PPIG: variants seen among roughly 807,000 people sequenced by gnomAD.
PPIG encodes peptidylprolyl isomerase G.
Under a neutral mutation model 87.9 loss-of-function variants are expected in PPIG, and 26 were observed. That is an observed-to-expected ratio of 0.30 (90% CI 0.22 to 0.41). The LOEUF is 0.41. PPIG is among the 10% of genes least tolerant of loss of function. The probability of loss-of-function intolerance (pLI) is 1.00; values close to 1 mark genes in which losing one functional copy is unlikely to be tolerated. For missense variants in PPIG, 722 were observed against 879.4 expected (o/e 0.82, Z 2.26); for synonymous variants, 308 against 276.5 (o/e 1.11, Z -1.13).
chr2:169,593,939 G>A (rs1684942914), intron 1 of PPIG, among the ~76,000 whole-genome samples: 1 of 151,744 alleles, frequency 6.6e-6, no homozygotes, highest in African/African-American at 2.4e-5. Context: ...ACAGGTGTGA[G>A]CCACCACGCC....
chr2:169,630,745 T>C (rs1358646592), intron 9 of PPIG, 29 bp from the exon 10 acceptor site: 2 of 1,554,114 alleles, frequency 1.3e-6, no homozygotes, highest in East Asian at 2.2e-5. Context: ...TAAAAATTGT[T>C]GATCAAAACC....
At chr2:169,608,480 A>G (rs2105492611) in intron 6 of PPIG, among the ~76,000 whole-genome samples, 191 bp from the exon 7 acceptor site, 1 of 151,778 alleles carries the variant, frequency 6.6e-6, no homozygotes, top group East Asian at 1.9e-4. Flanking sequence ...ACAGAGCGAG[A>G]CTCCATCTCA....
At chr2:169,590,499 G>A (rs890428579) in intron 1 of PPIG, among the ~76,000 whole-genome samples, 81 of 152,162 alleles carry the variant, frequency 5.3e-4, no homozygotes, top group Admixed American at 1.6e-3. Flanking sequence ...AAAATTAGCC[G>A]GGCGTGGTGG....
At chr2:169,624,720 T>A (rs1685838390) in intron 9 of PPIG, among the ~76,000 whole-genome samples, 1 of 152,136 alleles carries the variant, frequency 6.6e-6, no homozygotes, top group Admixed American at 6.5e-5. Context: ...CCTGAGTAGC[T>A]AGGACTACAG....
intron 1 of PPIG, among the ~76,000 whole-genome samples, chr2:169,598,101 A>G (rs1382031917): frequency 6.6e-6 from 1 of 151,390 alleles, no homozygotes; most frequent in Non-Finnish European, 1.5e-5. Context: ...CCTGGGCCCA[A>G]ATGATCCTCC....
Position 169,593,650 on chromosome 2 carries a change from C to CT in PPIG, c.-70+9179dup, listed in dbSNP as rs57902378. ...TTATGTTGCATATGCTGCTTTATAT[C>CT]TTTTTTTTTTTTTTTTTTTGAGACG... On this transcript the variant is annotated intron_variant, in intron 1 of 13. Transcript: ENST00000260970. Among the ~76,000 whole-genome samples the CT allele has an allele frequency of 3.7e-3, 395 of 106,184 alleles. 9 individuals are homozygous for CT. The highest frequency in any genetic ancestry group is 8.3e-3 in the East Asian group (27 of 3,244). The allele number at this position is 106,184 out of a possible 152,430, so 69.7% of individuals were successfully genotyped here. A position where few individuals can be genotyped will look rare whatever the true frequency, so the allele number is the denominator to read the frequency against.
chr2:169,623,576 G>A (rs1161430277), intron 9 of PPIG, among the ~76,000 whole-genome samples: 1 of 152,142 alleles, frequency 6.6e-6, no homozygotes, highest in Non-Finnish European at 1.5e-5. Flanking sequence ...AGAACAAATA[G>A]CACAATAGAG....
intron 12 of PPIG, among the ~76,000 whole-genome samples, chr2:169,633,835 C>CTTTT (rs1558902525): frequency 2.0e-5 from 3 of 146,708 alleles, no homozygotes; most frequent in Non-Finnish European, 3.0e-5. Context: ...TCCACCCCCC[C>CTTTT]CTTTTTTTTT....
intron 9 of PPIG, among the ~76,000 whole-genome samples, chr2:169,622,452 A>G (rs1472677395): frequency 6.6e-6 from 1 of 152,250 alleles, no homozygotes. Flanking sequence ...GAAGAAATAA[A>G]TGATGGTTTT....
intron 5 of PPIG, among the ~76,000 whole-genome samples, chr2:169,606,833 A>G (rs1164201507): frequency 1.3e-5 from 2 of 152,152 alleles, no homozygotes; most frequent in Non-Finnish European, 2.9e-5. Flanking sequence ...ACCTGTTGCA[A>G]GACCTGCATA....
At chr2:169,597,266 C>G (rs1329048412) in intron 1 of PPIG, among the ~76,000 whole-genome samples, 2 of 151,956 alleles carry the variant, frequency 1.3e-5, no homozygotes, top group Non-Finnish European at 1.5e-5. Context: ...TTCTCTCTCC[C>G]TAGATGCCTT....
Position 169,637,286 on chromosome 2 carries a change from C to T in PPIG, c.2028C>T (p.Asn676=), listed in dbSNP as rs369233534. 7 of 1,605,668 alleles carry T rather than the reference C, an allele frequency of 4.4e-6. No individual in the cohort carries two copies. The African/African-American group carries it at 6.7e-5, about 15-fold the overall frequency. Reference sequence around the variant, plus strand: ...GTCGTGATCATAATAGCTCAAATAACAGCAGGGAAAAAAAGGCTGATAGAG... The same window carrying T: ...GTCGTGATCATAATAGCTCAAATAATAGCAGGGAAAAAAAGGCTGATAGAG... The part of the protein sequence containing the change: ...SKSRDHNSSN[N]SREKKADRDQ... The change falls in exon 14 of 14, where the codon AAC becomes AAT. Residue 676 remains asparagine, a synonymous_variant. Transcript: ENST00000260970.
At chr2:169,607,443 A>G (rs1480237032) in intron 6 of PPIG, among the ~76,000 whole-genome samples, 2 of 152,188 alleles carry the variant, frequency 1.3e-5, no homozygotes, top group Non-Finnish European at 2.9e-5. Flanking sequence ...CTTTTATTAA[A>G]GGAGATTCAG....
intron 1 of PPIG, among the ~76,000 whole-genome samples, chr2:169,586,648 C>G (rs1342783449): frequency 3.3e-5 from 5 of 152,180 alleles, no homozygotes; most frequent in African/African-American, 1.2e-4. Context: ...GCAGCATCCT[C>G]TTCTTTATAC....
chr2:169,632,169 AAAG>A (rs1686073770), intron 11 of PPIG, among the ~76,000 whole-genome samples: 1 of 152,212 alleles, frequency 6.6e-6, no homozygotes, highest in Admixed American at 6.5e-5. Flanking sequence ...CTAATACAAA[AAAG>A]AGATGTTAAG....
chr2:169,596,605 A>G (rs930446245), intron 1 of PPIG, among the ~76,000 whole-genome samples: 1 of 152,148 alleles, frequency 6.6e-6, no homozygotes, highest in Non-Finnish European at 1.5e-5. Flanking sequence ...ACCTAAAGAA[A>G]ATTGAAGACT....
chr2:169,620,359 G>C (rs1685712407), intron 9 of PPIG, among the ~76,000 whole-genome samples: 1 of 151,558 alleles, frequency 6.6e-6, no homozygotes, highest in Non-Finnish European at 1.5e-5. Flanking sequence ...GTGTGTTCTT[G>C]GCAATTTTGT....
intron 9 of PPIG, 132 bp downstream of exon 9, chr2:169,614,856 T>G (rs1203735507): frequency 1.8e-6 from 2 of 1,099,418 alleles, no homozygotes; most frequent in Non-Finnish European, 2.5e-6. Flanking sequence ...TGTATTTCTG[T>G]GCTTTTATTT....
chr2:169,632,052 T>A, intron 11 of PPIG, 119 bp downstream of exon 11: 1 of 1,265,096 alleles, frequency 7.9e-7, no homozygotes. Flanking sequence ...AAATCTTTTT[T>A]ATAAAATGTT....
Sources: gnomAD v4.1 joint callset for allele counts (sites outside exome capture counted in the v4.1 genomes callset) on GRCh38, gnomAD v4.1.1 for gene constraint, MANE v1.5 for transcripts, NCBI Gene and HGNC (gene_info 2026-07-23, HGNC 2026-07-21) for gene names.